The following UHRF2 variants were observed in gnomAD, a reference collection of about 807,000 sequenced individuals.
UHRF2 encodes the protein ubiquitin like with PHD and ring finger domains 2, also known as E3 ubiquitin-protein ligase UHRF2.
In UHRF2, 23 loss-of-function variants were observed where a neutral mutation model predicts 96.8. The ratio of observed to expected loss-of-function variants is 0.24; its 90% confidence interval spans 0.17 to 0.34. The LOEUF is 0.34. Among genes scored for constraint, UHRF2 ranks in the 10% least tolerant of loss-of-function variants. The pLI is 1.00. For synonymous variants in UHRF2, 385 were observed against 332.6 expected, an observed-to-expected ratio of 1.16 and a Z score of -1.72; for missense variants, 685 against 981.5, an observed-to-expected ratio of 0.70 and a Z score of 4.04.
chr9:6,433,769 T>C, intron 2 of UHRF2, 145 bp from the exon 3 acceptor site: 2 of 767,614 alleles, frequency 2.6e-6, no homozygotes, highest in Non-Finnish European at 4.1e-6. Flanking sequence ...AGAATAGTTT[T>C]GATCTAATCT....
chr9:6,504,538 T>C, intron 14 of UHRF2, 55 bp from the exon 15 acceptor site: 1 of 1,189,412 alleles, frequency 8.4e-7, no homozygotes, highest in Admixed American at 2.0e-5. Flanking sequence ...ATGAATTTTA[T>C]TAGCATATTA....
At chr9:6,449,981 ATTG>A (rs1821754389) in intron 3 of UHRF2, among the ~76,000 whole-genome samples, 1 of 151,978 alleles carries the variant, frequency 6.6e-6, no homozygotes, top group African/African-American at 2.4e-5. Context: ...TTTGCTTTTC[ATTG>A]TTGTTTGTTT....
chr9:6,483,541 A>T (rs766912071), intron 8 of UHRF2, among the ~76,000 whole-genome samples: 1 of 152,062 alleles, frequency 6.6e-6, no homozygotes, highest in Admixed American at 6.6e-5. Context: ...CCGTCTGTTT[A>T]TTTTTCCCAA....
At chr9:6,494,249 G>C in intron 10 of UHRF2, 1 of 243,742 alleles carries the variant, frequency 4.1e-6, no homozygotes, top group Non-Finnish European at 7.8e-6. Flanking sequence ...CTACTCCATT[G>C]GTCAAAGCTA....
intron 4 of UHRF2, among the ~76,000 whole-genome samples, chr9:6,473,145 T>G (rs1823350536): frequency 6.6e-6 from 1 of 152,040 alleles, no homozygotes. Context: ...GTCATGCAAA[T>G]AAGGAGTCCC....
chr9:6,435,716 G>A (rs1428648939), intron 3 of UHRF2, among the ~76,000 whole-genome samples: 1 of 152,038 alleles, frequency 6.6e-6, no homozygotes, highest in African/African-American at 2.4e-5. Flanking sequence ...AAGCGATTCT[G>A]CTACCTCAGC....
chr9:6,506,221 C>T lies in UHRF2; in HGVS notation c.*42C>T. ...GTGTTGTTCATGGTGGCTTTTTGGA[C>T]AATAAAGAATCTAAAATGGGTGGGG... On this transcript the variant is annotated 3_prime_UTR_variant, in exon 16 of 16. Transcript: ENST00000276893. 6.2e-7 allele frequency: 1 copy of T among 1,605,286 alleles called. No homozygotes were observed. Among genetic ancestry groups the T allele is most frequent in the Non-Finnish European group, 8.5e-7 (1 of 1,174,824 alleles).
chr9:6,486,789 G>T (rs569424403), intron 8 of UHRF2, 32 bp from the exon 9 acceptor site: 8 of 1,599,974 alleles, frequency 5.0e-6, no homozygotes, highest in South Asian at 4.4e-5. Flanking sequence ...CTGTTCAGAG[G>T]TATTTTGAGA....
At chr9:6,502,775 T>G (rs1310754181) in intron 14 of UHRF2, among the ~76,000 whole-genome samples, 2 of 152,186 alleles carry the variant, frequency 1.3e-5, no homozygotes, top group African/African-American at 4.8e-5. Context: ...AAGTACCAGG[T>G]TAAATATTGG....
rs1438328719 is a variant in UHRF2 at position 6,490,385 on chromosome 9, T to C, written c.1498-3441T>C. ...GCTCATGCCTGTAATCTCAGCACTT[T>C]CGGAGTCCGAGGTGGGCTGATCACT... On this transcript the variant is annotated intron_variant, in intron 9 of 15. Coordinates refer to ENST00000276893, the MANE Select transcript of UHRF2 (RefSeq NM_152896.3). Among the ~76,000 whole-genome samples the C allele has an allele frequency of 2.0e-5, 3 of 152,360 alleles. No individual in the cohort carries two copies. The South Asian group carries it at 6.2e-4, about 32-fold the overall frequency.
At position 6,456,382 on chromosome 9, in the gene UHRF2, G is replaced by A. The variant is rs200254341; in HGVS notation, c.645-4191G>A. Among the ~76,000 whole-genome samples, 13 of 152,072 alleles carry A rather than the reference G, an allele frequency of 8.5e-5. No homozygotes were observed. The East Asian group carries it at 2.3e-3, about 27-fold the overall frequency. On this transcript the variant is annotated intron_variant, in intron 3 of 15. Coordinates refer to ENST00000276893, the MANE Select transcript of UHRF2 (RefSeq NM_152896.3). ...TCCTTTGCCCACTTTTTGATGGGGTGGTTTGTTTTTTTCTTGTGAATTTAA... is the reference window on the plus strand; with the variant it reads ...TCCTTTGCCCACTTTTTGATGGGGTAGTTTGTTTTTTTCTTGTGAATTTAA...
intron 5 of UHRF2, among the ~76,000 whole-genome samples, chr9:6,477,288 G>A (rs1823637718): frequency 6.6e-6 from 1 of 151,340 alleles, no homozygotes; most frequent in African/African-American, 2.4e-5. Context: ...ACTTTGGGAG[G>A]TTGAGGCGGG....
chr9:6,416,649 T>C (rs1819618822), intron 1 of UHRF2, among the ~76,000 whole-genome samples: 1 of 148,980 alleles, frequency 6.7e-6, no homozygotes, highest in Non-Finnish European at 1.5e-5. Context: ...TTCACGCCAT[T>C]CTGCCTCAGC....
At chr9:6,458,381 C>T (rs1822310401) in intron 3 of UHRF2, among the ~76,000 whole-genome samples, 1 of 150,976 alleles carries the variant, frequency 6.6e-6, no homozygotes, top group Non-Finnish European at 1.5e-5. Flanking sequence ...GTTCTTCTCT[C>T]TTTTCTTCTA....
At chr9:6,426,982 C>CAGGTGATCACCTT (rs1554620981) in intron 2 of UHRF2, among the ~76,000 whole-genome samples, 1 of 151,966 alleles carries the variant, frequency 6.6e-6, no homozygotes, top group Non-Finnish European at 1.5e-5. Flanking sequence ...CTCCTGACCT[C>CAGGTGATCACCTT]AGGTGATCAC....
chr9:6,485,286 A>C (rs1183498249), intron 8 of UHRF2, among the ~76,000 whole-genome samples: 2 of 152,108 alleles, frequency 1.3e-5, no homozygotes, highest in African/African-American at 4.8e-5. Context: ...GTAAAAATAC[A>C]CTTTGTGTAT....
intron 1 of UHRF2, among the ~76,000 whole-genome samples, chr9:6,416,329 A>G (rs1819597967): frequency 6.6e-6 from 1 of 152,086 alleles, no homozygotes; most frequent in Non-Finnish European, 1.5e-5. Flanking sequence ...CGGCTTCCCA[A>G]AGTGCTGGGA....
chr9:6,444,311 C>T (rs1821360086), intron 3 of UHRF2, among the ~76,000 whole-genome samples: 1 of 152,176 alleles, frequency 6.6e-6, no homozygotes, highest in South Asian at 2.1e-4. Context: ...GACTTGTAGG[C>T]TCCTGAGTGG....
chr9:6,505,567 GAT>G (rs764078860), intron 15 of UHRF2, among the ~76,000 whole-genome samples: 7 of 152,218 alleles, frequency 4.6e-5, no homozygotes, highest in Non-Finnish European at 1.0e-4. Context: ...AGAGTACTGG[GAT>G]AACAGGCATG....
Sources: gnomAD v4.1 joint callset for allele counts (sites outside exome capture counted in the v4.1 genomes callset) on GRCh38, gnomAD v4.1.1 for gene constraint, MANE v1.5 for transcripts, NCBI Gene and HGNC (gene_info 2026-07-23, HGNC 2026-07-21) for gene names.